IGHMBP2: variants seen among roughly 807,000 people sequenced by gnomAD.
IGHMBP2 encodes DNA-binding protein SMUBP-2.
A neutral mutation model predicts 96.0 loss-of-function variants in IGHMBP2; 81 were observed. The observed-to-expected ratio is 0.84, with a 90% CI of 0.71 to 1.01. IGHMBP2 has a LOEUF of 1.01. Ranked by LOEUF, IGHMBP2 falls within the 50% of genes least tolerant of loss-of-function variation. The probability of loss-of-function intolerance (pLI) is 0.00; values close to 1 mark genes in which losing one functional copy is unlikely to be tolerated. For synonymous variants in IGHMBP2, 557 were observed against 548.9 expected, an observed-to-expected ratio of 1.01 and a Z score of -0.21; for missense variants, 1,227 against 1,306.3, an observed-to-expected ratio of 0.94 and a Z score of 0.94.
rs1230851093 is a variant in IGHMBP2, at chr11:68,935,398, T to A, written c.1732T>A (p.Ser578Thr). 6.2e-7 allele frequency: 1 copy of A among 1,614,088 alleles called. No homozygotes were observed. Reference protein sequence around the residue: ...QGREKEAVILSFVRSNRKGEV... With the variant: ...QGREKEAVILTFVRSNRKGEV... ...CCGAGAGAAGGAGGCCGTGATACTG[T>A]CCTTCGTCAGATCCAACAGGAAAGG... is the stretch of plus-strand genomic sequence containing the variant. Residue 578 changes from serine (S) to threonine (T), a missense_variant, in exon 12 of 15, where the codon TCC becomes ACC. Ser to Thr is a moderately conservative substitution (Grantham distance 58). Transcript: ENST00000255078.
rs375300165 is a variant in IGHMBP2, at chr11:68,936,855, C to T, written c.2375C>T (p.Ala792Val). 1.5e-5 allele frequency: 25 copies of T among 1,612,930 alleles called. No homozygotes were observed. The African/African-American group carries it at 2.9e-4, about 19-fold the overall frequency. ...AAGAGGGCCCCGCGACCCCGAGCAG[C>T]CCTGGGACCCCCAGCAGGGACCGGT... ...VSKRAPRPRA[A>V]LGPPAGTGGP... The change falls in exon 13 of 15, where the codon GCC (alanine) becomes GTC (valine). Residue 792 changes from alanine (A) to valine (V), a missense_variant. Ala to Val is a moderately conservative substitution (Grantham distance 64). This residue lies in a region of IGHMBP2 where 703 missense variants were observed against 770.3 expected (regional missense o/e 0.91). Transcript: ENST00000255078.
At chr11:68,919,199 G>GTCCCCA (rs1858786770) in intron 7 of IGHMBP2, among the ~76,000 whole-genome samples, 1 of 133,640 alleles carries the variant, frequency 7.5e-6, no homozygotes, top group Non-Finnish European at 1.6e-5. Context: ...CCCCGTCCCC[G>GTCCCCA]TCCCCGTCCT....
chr11:68,915,336 C>T (rs1269548984), intron 6 of IGHMBP2, among the ~76,000 whole-genome samples: 1 of 151,616 alleles, frequency 6.6e-6, no homozygotes, highest in Admixed American at 6.6e-5. Context: ...CGTGTCACCA[C>T]GCCTGGCTAA....
rs538031082 is a variant in IGHMBP2 at position 68,939,811 on chromosome 11, A to G, written c.*80A>G. The G allele has an allele frequency of 7.0e-7, 1 of 1,433,208 alleles. No individual in the cohort carries two copies. Among genetic ancestry groups the G allele is most frequent in the East Asian group, 2.4e-5 (1 of 40,820 alleles). 88.8% of individuals were successfully genotyped at this position (1,433,208 alleles called of 1,614,324 possible). A position where few individuals can be genotyped will look rare whatever the true frequency, so the allele number is the denominator to read the frequency against. On this transcript the variant is annotated 3_prime_UTR_variant, in exon 15 of 15. Transcript: ENST00000255078. The stretch of plus-strand genomic sequence containing the variant: ...TGGCAGACCATGCTCCGCCTCCACC[A>G]GGGCCACAGAGGAGCGGAGGGGCCT...
chr11:68,904,065 C>A, intron 1 of IGHMBP2, 27 bp downstream of exon 1: 1 of 1,533,416 alleles, frequency 6.5e-7, no homozygotes, highest in South Asian at 1.2e-5. Flanking sequence ...GCGCCGCTCC[C>A]TCGCGGTCGG....
At chr11:68,925,100 C>T (rs1247331533) in intron 7 of IGHMBP2, among the ~76,000 whole-genome samples, 1 of 151,702 alleles carries the variant, frequency 6.6e-6, no homozygotes, top group Non-Finnish European at 1.5e-5. Context: ...TTTGCCACAA[C>T]CTCTCAGCTG....
At position 68,936,843 on chromosome 11, in the gene IGHMBP2, G is replaced by A. The variant is rs769685389; in HGVS notation, c.2363G>A (p.Arg788Gln). 2.5e-6 allele frequency: 4 copies of A among 1,613,396 alleles called. No individual in the cohort carries two copies. The highest frequency in any genetic ancestry group is 1.7e-5 in the Admixed American group (1 of 60,014). The change falls in exon 13 of 15, where the codon CGA (arginine) becomes CAA (glutamine). Residue 788 changes from arginine to glutamine, a missense_variant. By Grantham distance (43) the Arg-to-Gln change is conservative (BLOSUM62 1). Around this residue, in one of 3 missense-constraint regions of IGHMBP2, gnomAD observed 703 missense variants for 770.3 expected, o/e 0.91. Coordinates refer to ENST00000255078, the MANE Select transcript of IGHMBP2 (RefSeq NM_002180.3). ...RFITVSKRAPRPRAALGPPAG... is the reference protein window; with the variant it reads ...RFITVSKRAPQPRAALGPPAG... ...ATCACTGTGAGCAAGAGGGCCCCGC[G>A]ACCCCGAGCAGCCCTGGGACCCCCA...
At chr11:68,937,710 T>C (rs1216020751) in intron 13 of IGHMBP2, 1 of 221,014 alleles carries the variant, frequency 4.5e-6, no homozygotes, top group African/African-American at 2.3e-5. Flanking sequence ...TACTGCCATT[T>C]TCCTCAGCAA....
chr11:68,911,461 C>A lies in IGHMBP2; in HGVS notation c.569C>A (p.Thr190Asn), dbSNP rs1356014568. ...ACAGACCCGCTGACATTCTTCAACA[C>A]CTGCCTGGACACCTCCCAGAAAGAA... Reference protein sequence around the residue: ...SEIHPLTFFNTCLDTSQKEAV... With the variant: ...SEIHPLTFFNNCLDTSQKEAV... The change falls in exon 5 of 15, where the codon ACC becomes AAC. Residue 190 changes from threonine to asparagine, a missense_variant. Physicochemically the swap from Thr to Asn is moderately conservative, Grantham distance 65. This residue lies in a region of IGHMBP2 where 507 missense variants were observed against 496.9 expected (regional missense o/e 1.02). Transcript: ENST00000255078. 1 of 1,614,070 alleles carries A rather than the reference C, an allele frequency of 6.2e-7. No homozygotes were observed. Among genetic ancestry groups the A allele is most frequent in the Non-Finnish European group, 8.5e-7 (1 of 1,180,014 alleles).
intron 1 of IGHMBP2, among the ~76,000 whole-genome samples, chr11:68,904,464 G>T (rs1434891632): frequency 6.6e-6 from 1 of 152,168 alleles, no homozygotes; most frequent in Non-Finnish European, 1.5e-5. Flanking sequence ...GGCATAAGCA[G>T]AGAGTCCCTT....
rs190620140 is a variant in IGHMBP2 at position 68,914,999 on chromosome 11, C to T, written c.888C>T (p.Ile296=). ...ACAGTGCCCAGATTGTTGCAGATAT[C>T]AGGAAGGACATCGACCAGGTCTTTG... ...RSDSAQIVAD[I]RKDIDQVFVK... is the part of the protein sequence containing the mutation. The change falls in exon 6 of 15, where the codon ATC becomes ATT. Residue 296 remains isoleucine, a synonymous_variant. Transcript: ENST00000255078. 1 of 1,614,092 alleles carries T rather than the reference C, an allele frequency of 6.2e-7. No homozygotes were observed. Among genetic ancestry groups the T allele is most frequent in the African/African-American group, 1.3e-5 (1 of 75,034 alleles).
At position 68,906,218 on chromosome 11, in the gene IGHMBP2, C is replaced by T; in HGVS notation, c.236C>T (p.Pro79Leu). The change falls in exon 2 of 15, where the codon CCC becomes CTC. Residue 79 changes from proline (P) to leucine (L), a missense_variant. Transcript: ENST00000255078. Reference sequence around the variant, plus strand: ...CGATACGGGTCCGCGGCAGCTCTTCCCAGTAACAGCTTTACTTCTGGTGTG... The same window carrying T: ...CGATACGGGTCCGCGGCAGCTCTTCTCAGTAACAGCTTTACTTCTGGTGTG... Reference protein sequence around the residue: ...PRRYGSAAALPSNSFTSGDIV... With the variant: ...PRRYGSAAALLSNSFTSGDIV... 1 of 1,613,986 alleles carries T rather than the reference C, an allele frequency of 6.2e-7. No individual in the cohort carries two copies. The highest frequency in any genetic ancestry group is 1.1e-5 in the South Asian group (1 of 91,074).
At chr11:68,911,334 G>C (rs759833194) in intron 4 of IGHMBP2, 106 bp from the exon 5 acceptor site, 2 of 1,160,694 alleles carry the variant, frequency 1.7e-6, no homozygotes, top group African/African-American at 3.0e-5. Flanking sequence ...GGTCCGGCGT[G>C]TTCCTGACAG....
intron 11 of IGHMBP2, among the ~76,000 whole-genome samples, chr11:68,934,886 T>C (rs1039197685): frequency 3.3e-5 from 5 of 152,242 alleles, no homozygotes; most frequent in Admixed American, 1.3e-4. Flanking sequence ...TGTCCTTTTC[T>C]GGCATTTCCC....
intron 8 of IGHMBP2, chr11:68,930,443 A>T: frequency 7.8e-7 from 1 of 1,288,090 alleles, no homozygotes; most frequent in East Asian, 5.6e-5. Context: ...GGGTATGTAG[A>T]GAGAGGTGTC....
rs1033402228 is a variant in IGHMBP2 at position 68,917,874 on chromosome 11, A to G, written c.1051A>G (p.Thr351Ala). 1.2e-6 allele frequency: 2 copies of G among 1,614,096 alleles called. No individual in the cohort carries two copies. The highest frequency in any genetic ancestry group is 3.3e-5 in the Admixed American group (2 of 60,020). Residue 351 changes from threonine (T) to alanine (A), a missense_variant, in exon 7 of 15, where the codon ACA becomes GCA. Thr to Ala is a moderately conservative substitution (Grantham distance 58, BLOSUM62 0). Around this residue, in one of 3 missense-constraint regions of IGHMBP2, gnomAD observed 507 missense variants for 496.9 expected, o/e 1.02. Transcript: ENST00000255078. The stretch of plus-strand genomic sequence containing the variant: ...CACTTCGGCAAACGTGGTCCTTGCA[A>G]CAAACACAGGTGAGGGGGCGTCTCC... ...SLTSANVVLA[T>A]NTGASADGPL...
At position 68,911,328 on chromosome 11, in the gene IGHMBP2, C is replaced by G; in HGVS notation, c.548-112C>G. ...TGATTGGGTTGCCCCTGGGGAGGTCCGGCGTGTTCCTGACAGGCATCACTC... is the reference window on the plus strand; with the variant it reads ...TGATTGGGTTGCCCCTGGGGAGGTCGGGCGTGTTCCTGACAGGCATCACTC... On this transcript the variant is annotated intron_variant, in intron 4 of 14. Coordinates refer to ENST00000255078, the MANE Select transcript of IGHMBP2 (RefSeq NM_002180.3). 3 of 1,058,754 alleles carry G rather than the reference C, an allele frequency of 2.8e-6. No homozygotes were observed. In the South Asian group the frequency reaches 4.0e-5, roughly 14 times the overall value. 65.6% of individuals were successfully genotyped at this position (1,058,754 alleles called of 1,614,324 possible).
chr11:68,911,360 C>A, intron 4 of IGHMBP2, 80 bp from the exon 5 acceptor site: 1 of 1,451,442 alleles, frequency 6.9e-7, no homozygotes, highest in Non-Finnish European at 9.6e-7. Context: ...ACTCATCCCC[C>A]GGGGCACACA....
At chr11:68,932,889 C>A in intron 8 of IGHMBP2, 2 of 231,330 alleles carry the variant, frequency 8.6e-6, no homozygotes, top group Non-Finnish European at 1.7e-5. Context: ...TCCTAGAGGC[C>A]ACTGCTTGAC....
Sources: gnomAD v4.1 joint callset for allele counts (sites outside exome capture counted in the v4.1 genomes callset) on GRCh38, gnomAD v4.1.1 for gene constraint, gnomAD v4.1.1 regional missense constraint, MANE v1.5 for transcripts, NCBI Gene and HGNC (gene_info 2026-07-23, HGNC 2026-07-21) for gene names.